Variants in AXDND1 observed in about 807,000 individuals in gnomAD.
AXDND1 encodes axonemal dynein light chain domain-containing protein 1.
Under a neutral mutation model 137.5 loss-of-function variants are expected in AXDND1, and 110 were observed. That is an observed-to-expected ratio of 0.80 (90% confidence interval 0.69 to 0.94). The LOEUF is 0.94. Ranked by LOEUF, AXDND1 falls within the 40% of genes least tolerant of loss-of-function variation. The pLI is 0.00. For missense variants in AXDND1, 1,191 were observed against 1,169.8 expected, an observed-to-expected ratio of 1.02 and a Z score of -0.26; for synonymous variants, 414 against 399.7, an observed-to-expected ratio of 1.04 and a Z score of -0.43.
intron 16 of AXDND1, among the ~76,000 whole-genome samples, chr1:179,457,988 CTCTTTTTTTTTT>C (rs1473837715): frequency 8.3e-6 from 1 of 121,044 alleles, no homozygotes; most frequent in Admixed American, 8.7e-5. Context: ...TTCTTTCCTT[CTCTTTTTTTTTT>C]TCTTTTTTTG....
At chr1:179,450,012 T>TC (rs1660330893) in intron 16 of AXDND1, 2 of 87,364 alleles carry the variant, frequency 2.3e-5, no homozygotes, top group African/African-American at 7.7e-5. Flanking sequence ...TTTTTTTTTT[T>TC]TTTTTTTTTG....
At chr1:179,495,486 C>T (rs1288088452) in intron 20 of AXDND1, among the ~76,000 whole-genome samples, 3 of 151,998 alleles carry the variant, frequency 2.0e-5, no homozygotes, top group Non-Finnish European at 4.4e-5. Flanking sequence ...TCTGATTATT[C>T]ATTGCTAATA....
At chr1:179,419,557 G>A (rs1158511430) in intron 12 of AXDND1, among the ~76,000 whole-genome samples, 2 of 149,954 alleles carry the variant, frequency 1.3e-5, no homozygotes, top group Non-Finnish European at 3.0e-5. Flanking sequence ...GAGCCGAGAT[G>A]GCAGCAGTAC....
chr1:179,506,323 C>T (rs932904358), intron 20 of AXDND1, among the ~76,000 whole-genome samples: 1 of 152,180 alleles, frequency 6.6e-6, no homozygotes, highest in Non-Finnish European at 1.5e-5. Flanking sequence ...CATTGACCAG[C>T]ACCTGACAGT....
chr1:179,478,575 CA>C (rs1664919466), intron 17 of AXDND1, among the ~76,000 whole-genome samples: 1 of 152,150 alleles, frequency 6.6e-6, no homozygotes, highest in East Asian at 1.9e-4. Flanking sequence ...CCCATGAAGC[CA>C]TTTTTTCCTC....
chr1:179,519,705 G>A (rs951457377), intron 21 of AXDND1, among the ~76,000 whole-genome samples: 26 of 152,086 alleles, frequency 1.7e-4, no homozygotes, highest in African/African-American at 5.6e-4. Flanking sequence ...TTGTCGGTGT[G>A]AAGTCTTATT....
chr1:179,509,180 T>C (rs1668795488), intron 20 of AXDND1, 116 bp from the exon 21 acceptor site: 1 of 645,628 alleles, frequency 1.5e-6, no homozygotes, highest in Non-Finnish European at 2.7e-6. Flanking sequence ...ACTGAACTGA[T>C]ATAAAGTTAA....
intron 12 of AXDND1, among the ~76,000 whole-genome samples, chr1:179,428,263 TC>T (rs1161024535): frequency 6.6e-6 from 1 of 152,128 alleles, no homozygotes; most frequent in Non-Finnish European, 1.5e-5. Flanking sequence ...AAAAGTGAGA[TC>T]CCTCACACTA....
At chr1:179,531,102 G>A (rs1419825895) in intron 23 of AXDND1, among the ~76,000 whole-genome samples, 1 of 152,108 alleles carries the variant, frequency 6.6e-6, no homozygotes, top group Admixed American at 6.6e-5. Context: ...CATGGGGTAT[G>A]GAAAATGGTC....
intron 12 of AXDND1, among the ~76,000 whole-genome samples, chr1:179,418,534 C>T (rs1655060638): frequency 6.6e-6 from 1 of 152,274 alleles, no homozygotes; most frequent in East Asian, 1.9e-4. Flanking sequence ...GGTGGCCGGG[C>T]AGAGGGGCTC....
chr1:179,444,549 C>A (rs940322319), intron 15 of AXDND1, among the ~76,000 whole-genome samples: 2 of 152,004 alleles, frequency 1.3e-5, no homozygotes, highest in African/African-American at 4.8e-5. Flanking sequence ...TGGGTTTACA[C>A]AGATAAACAA....
At chr1:179,401,922 C>T (rs141427312) in intron 11 of AXDND1, among the ~76,000 whole-genome samples, 1 of 152,140 alleles carries the variant, frequency 6.6e-6, no homozygotes, top group East Asian at 1.9e-4. Flanking sequence ...GCCTGTAATC[C>T]CAGCACTTTG....
rs368746160 is a variant in AXDND1, at chr1:179,385,305, T to C, written c.809T>C (p.Ile270Thr). Residue 270 changes from isoleucine to threonine, a missense_variant, in exon 9 of 26, where the codon ATT becomes ACT. Transcript: ENST00000367618. ...TIYNMIFHELIRQVSVDCADR... is the reference protein window; with the variant it reads ...TIYNMIFHELTRQVSVDCADR... ...TACAACATGATATTTCATGAACTTA[T>C]TCGACAAGTCAGTGTGGACTGTGCA... is the stretch of plus-strand genomic sequence containing the variant. 10 of 1,613,664 alleles carry C rather than the reference T, an allele frequency of 6.2e-6. No individual in the cohort carries two copies. The highest frequency in any genetic ancestry group is 4.5e-5 in the East Asian group (2 of 44,862).
At chr1:179,540,337 A>G (rs1270358999) in intron 25 of AXDND1, among the ~76,000 whole-genome samples, 1 of 152,126 alleles carries the variant, frequency 6.6e-6, no homozygotes, top group Non-Finnish European at 1.5e-5. Flanking sequence ...GGTTTTATCT[A>G]CATTTTGTCT....
At chr1:179,369,275 G>A (rs1480624260) in intron 3 of AXDND1, among the ~76,000 whole-genome samples, 1 of 138,520 alleles carries the variant, frequency 7.2e-6, no homozygotes, top group African/African-American at 2.5e-5. Flanking sequence ...ACGGAGTTTC[G>A]CCATGTTGCC....
At chr1:179,372,075 G>A (rs149181967) in intron 4 of AXDND1, among the ~76,000 whole-genome samples, 11 of 152,258 alleles carry the variant, frequency 7.2e-5, no homozygotes, top group African/African-American at 2.6e-4. Context: ...TGCTAAATTT[G>A]TGGTAATTTG....
At chr1:179,519,032 C>T (rs1669810297) in intron 21 of AXDND1, among the ~76,000 whole-genome samples, 1 of 152,210 alleles carries the variant, frequency 6.6e-6, no homozygotes, top group South Asian at 2.1e-4. Flanking sequence ...TCCTTTCTCT[C>T]CACAACCTTG....
chr1:179,526,253 A>G (rs1449369988), intron 22 of AXDND1, among the ~76,000 whole-genome samples: 1 of 151,618 alleles, frequency 6.6e-6, no homozygotes, highest in East Asian at 1.9e-4. Context: ...CCTTCCTGGG[A>G]CATTTGTAAT....
intron 11 of AXDND1, among the ~76,000 whole-genome samples, chr1:179,397,822 T>C (rs915918607): frequency 6.6e-6 from 1 of 152,140 alleles, no homozygotes; most frequent in African/African-American, 2.4e-5. Flanking sequence ...TGTAGAACAT[T>C]TTTTCAGCTC....
Sources: gnomAD v4.1 joint callset for allele counts (sites outside exome capture counted in the v4.1 genomes callset) on GRCh38, gnomAD v4.1.1 for gene constraint, MANE v1.5 for transcripts, NCBI Gene and HGNC (gene_info 2026-07-23, HGNC 2026-07-21) for gene names.